LRRC7: variants seen among roughly 807,000 people sequenced by gnomAD.
LRRC7 encodes the protein leucine rich repeat containing 7.
In LRRC7, 23 loss-of-function variants were observed where a neutral mutation model predicts 175.7. That is an observed-to-expected ratio of 0.13 (90% CI 0.09 to 0.19). The LOEUF (loss-of-function observed/expected upper bound fraction) is 0.19, where lower values mean the gene tolerates loss of function less well. LRRC7 is among the 10% of genes least tolerant of loss of function. The pLI is 1.00. For synonymous variants in LRRC7, 685 were observed against 680.9 expected, an observed-to-expected ratio of 1.01 and a Z score of -0.09; for missense variants, 1,354 against 1,904.7, an observed-to-expected ratio of 0.71 and a Z score of 5.38.
intron 2 of LRRC7, among the ~76,000 whole-genome samples, chr1:69,702,595 G>C (rs1289285817): frequency 6.6e-6 from 1 of 152,082 alleles, no homozygotes; most frequent in Non-Finnish European, 1.5e-5. Context: ...ATGGGAAAGA[G>C]ACCATTAAGA....
At chr1:70,014,233 A>T (rs1391348667) in intron 13 of LRRC7, 1 of 152,012 alleles carries the variant, frequency 6.6e-6, no homozygotes, top group African/African-American at 2.4e-5. Context: ...TATAAATAAG[A>T]TTAGGAAATT....
Position 70,137,790 on chromosome 1 carries a change from A to C in LRRC7, c.*15903A>C, listed in dbSNP as rs1345585638. On this transcript the variant is annotated 3_prime_UTR_variant, in exon 27 of 27. Coordinates refer to ENST00000651989, the MANE Select transcript of LRRC7 (RefSeq NM_001370785.2). The stretch of plus-strand genomic sequence containing the variant: ...AGAGTTCTCCAATGTTGACAATTTC[A>C]GCTGCCCTAGCAGCCTCTCTAAGCA... 6.6e-6 allele frequency among the ~76,000 whole-genome samples: 1 copy of C among 152,258 alleles called. No homozygotes were observed. Among genetic ancestry groups the C allele is most frequent in the Non-Finnish European group, 1.5e-5 (1 of 68,042 alleles).
chr1:69,578,482 C>T (rs1302685571), intron 1 of LRRC7, among the ~76,000 whole-genome samples: 87 of 146,564 alleles, frequency 5.9e-4, no homozygotes, highest in Admixed American at 1.4e-3. Context: ...GCTATAAAGA[C>T]ACATGCACAC....
chr1:69,677,233 TTA>T (rs951670253), intron 1 of LRRC7, among the ~76,000 whole-genome samples: 1 of 103,676 alleles, frequency 9.6e-6, no homozygotes, highest in African/African-American at 3.1e-5. Context: ...ATAACATATA[TTA>T]TATATGTTAT....
chr1:69,598,068 G>T (rs778770912), intron 1 of LRRC7, among the ~76,000 whole-genome samples: 4 of 152,090 alleles, frequency 2.6e-5, no homozygotes, highest in Non-Finnish European at 4.4e-5. Context: ...ATATATACTT[G>T]AATCCATTTA....
chr1:70,136,118 ATT>A lies in LRRC7; in HGVS notation c.*14244_*14245del, dbSNP rs542326497. Among the ~76,000 whole-genome samples the A allele has an allele frequency of 5.2e-5, 7 of 135,042 alleles. No homozygotes were observed. The highest frequency in any genetic ancestry group is 7.4e-5 in the Admixed American group (1 of 13,454). 88.6% of individuals were successfully genotyped at this position (135,042 alleles called of 152,430 possible). A position where few individuals can be genotyped will look rare whatever the true frequency, so the allele number is the denominator to read the frequency against. On this transcript the variant is annotated 3_prime_UTR_variant, in exon 27 of 27. Transcript: ENST00000651989. The stretch of plus-strand genomic sequence containing the variant: ...GTGTGTCTATATATCTTATCAGGCA[ATT>A]TTTTTTTTTTTTGCATTTCCACGTT...
intron 18 of LRRC7, among the ~76,000 whole-genome samples, chr1:70,029,686 T>C (rs1305084333): frequency 1.3e-5 from 2 of 152,232 alleles, no homozygotes; most frequent in East Asian, 3.9e-4. Flanking sequence ...TACATACATA[T>C]ACGTTTTATA....
At chr1:69,802,093 T>C (rs968746217) in intron 4 of LRRC7, among the ~76,000 whole-genome samples, 1 of 151,560 alleles carries the variant, frequency 6.6e-6, no homozygotes. Context: ...CTTAATATGA[T>C]TTCACTTTTT....
In LRRC7 at chr1:69,946,936, C is replaced by G. The variant is rs138711862; in HGVS notation, c.711+15366C>G. ...CTACTAAAACTACAAAACTTAGCCA[C>G]TCGTGGTGGTGCACACCTGTAATCC... On this transcript the variant is annotated intron_variant, in intron 8 of 26. Transcript: ENST00000651989. Among the ~76,000 whole-genome samples, 1,228 of 151,822 alleles carry G rather than the reference C, an allele frequency of 8.1e-3. 14 individuals carry two copies. The highest frequency in any genetic ancestry group is 0.027 in the African/African-American group (1,123 of 41,400).
intron 1 of LRRC7, among the ~76,000 whole-genome samples, chr1:69,626,794 A>G (rs1234978761): frequency 1.1e-4 from 16 of 144,396 alleles, no homozygotes; most frequent in East Asian, 4.2e-4. Context: ...TCATTGTTCA[A>G]TTCCCACTTT....
intron 2 of LRRC7, among the ~76,000 whole-genome samples, chr1:69,725,673 G>C (rs571492948): frequency 6.6e-6 from 1 of 152,324 alleles, no homozygotes; most frequent in South Asian, 2.1e-4. Context: ...GGGTGAGCCA[G>C]AAATAGTCAA....
In LRRC7 at chr1:69,834,881, A is replaced by C. The variant is rs1258411363; in HGVS notation, c.590+12A>C. ...GCCAATTTTGGAAGGTAAGAATAAG[A>C]AATTTAAATTATGCAATTATATCTC... On this transcript the variant is annotated intron_variant, in intron 6 of 26. Transcript: ENST00000651989. 2.5e-6 allele frequency: 4 copies of C among 1,597,704 alleles called. No homozygotes were observed. In the Admixed American group the frequency reaches 6.7e-5, roughly 27 times the overall value.
intron 26 of LRRC7, among the ~76,000 whole-genome samples, chr1:70,113,880 T>G (rs1391434859): frequency 2.6e-5 from 4 of 152,226 alleles, no homozygotes; most frequent in African/African-American, 9.6e-5. Flanking sequence ...CAGTCCTCTT[T>G]ACCAAAGCAT....
intron 2 of LRRC7, among the ~76,000 whole-genome samples, chr1:69,708,794 A>T (rs1413701175): frequency 6.6e-6 from 1 of 152,174 alleles, no homozygotes; most frequent in Non-Finnish European, 1.5e-5. Flanking sequence ...TAACCTGGAC[A>T]GGTTTCTTTT....
Position 70,018,838 on chromosome 1 carries a change from T to G in LRRC7, c.1420+20T>G. 6.4e-7 allele frequency: 1 copy of G among 1,561,944 alleles called. No individual in the cohort carries two copies. Among genetic ancestry groups the G allele is most frequent in the Non-Finnish European group, 8.8e-7 (1 of 1,133,350 alleles). ...ATGAAGGTAAATTGTCAGTAGAAAT[T>G]TCTTCTCTACTTATAATGATTATGG... is the stretch of plus-strand genomic sequence containing the variant. On this transcript the variant is annotated intron_variant, in intron 15 of 26. Coordinates refer to ENST00000651989, the MANE Select transcript of LRRC7 (RefSeq NM_001370785.2).
intron 8 of LRRC7, among the ~76,000 whole-genome samples, chr1:69,971,240 C>T (rs548865491): frequency 3.5e-4 from 54 of 152,244 alleles, no homozygotes; most frequent in African/African-American, 1.3e-3. Flanking sequence ...CCACTCTCAC[C>T]ATTCCTTTTC....
chr1:69,911,835 A>G (rs1570620031), intron 7 of LRRC7, among the ~76,000 whole-genome samples: 1 of 152,126 alleles, frequency 6.6e-6, no homozygotes, highest in Non-Finnish European at 1.5e-5. Flanking sequence ...AGTTATGCCT[A>G]TTTGATACAC....
intron 7 of LRRC7, among the ~76,000 whole-genome samples, chr1:69,847,641 C>T (rs1682526206): frequency 6.6e-6 from 1 of 152,006 alleles, no homozygotes; most frequent in African/African-American, 2.4e-5. Context: ...AACTATCCAT[C>T]TCATTTTCCT....
At chr1:69,718,136 A>C (rs201848605) in intron 2 of LRRC7, among the ~76,000 whole-genome samples, 1 of 79,662 alleles carries the variant, frequency 1.3e-5, no homozygotes, top group Non-Finnish European at 2.4e-5. Context: ...AAAAGAAAGA[A>C]AGAGAGAGAA....
Sources: gnomAD v4.1 joint callset for allele counts (sites outside exome capture counted in the v4.1 genomes callset) on GRCh38, gnomAD v4.1.1 for gene constraint, MANE v1.5 for transcripts, NCBI Gene and HGNC (gene_info 2026-07-23, HGNC 2026-07-21) for gene names.